Variants in HGF observed in about 807,000 individuals in gnomAD.
The protein encoded by HGF is fibroblast-derived tumor cytotoxic factor.
Under a neutral mutation model 111.6 loss-of-function variants are expected in HGF, and 39 were observed. That is an observed-to-expected ratio of 0.35 (90% CI 0.27 to 0.46). HGF has a LOEUF of 0.46. Among genes scored for constraint, HGF ranks in the 20% least tolerant of loss-of-function variants. The pLI, the probability that HGF is intolerant of heterozygous loss-of-function variation, is 1.00. For missense variants in HGF, 735 were observed against 910.5 expected, an observed-to-expected ratio of 0.81 and a Z score of 2.48; for synonymous variants, 285 against 294.8, an observed-to-expected ratio of 0.97 and a Z score of 0.34.
Position 81,720,777 on chromosome 7 carries a change from T to A in HGF, c.1239A>T (p.Ser413=). The A allele has an allele frequency of 6.2e-7, 1 of 1,612,916 alleles. No homozygotes were observed. The highest frequency in any genetic ancestry group is 8.5e-7 in the Non-Finnish European group (1 of 1,178,926). ...AGTCTTCCATGTTCTTGTCCCACAT[T>A]GAACATGTTAGTCCAGATCTTGTTT... is the stretch of plus-strand genomic sequence containing the variant. ...LSQTRSGLTC[S]MWDKNMEDLH... Residue 413 remains serine (S), a synonymous_variant, in exon 10 of 18, where the codon TCA becomes TCT. Transcript: ENST00000222390.
chr7:81,704,685 A>C (rs1472668317), intron 17 of HGF, among the ~76,000 whole-genome samples: 1 of 151,772 alleles, frequency 6.6e-6, no homozygotes, highest in Non-Finnish European at 1.5e-5. Flanking sequence ...TTTCACTATC[A>C]TTGAACTCAT....
Position 81,744,973 on chromosome 7 carries a change from T to C in HGF, c.746+27A>G, listed in dbSNP as rs191555502. 241 of 1,610,888 alleles carry C rather than the reference T, an allele frequency of 1.5e-4. 1 individual carries two copies. The African/African-American group carries it at 2.7e-3, about 18-fold the overall frequency. ...GAATAATAGTTTGTAAAAGAATCAC[T>C]GAAAGCATGATTCATTAATATTTTA... On this transcript the variant is annotated intron_variant, in intron 6 of 17. Transcript: ENST00000222390.
At position 81,750,997 on chromosome 7, in the gene HGF, A is replaced by G. The variant is rs1788471452; in HGVS notation, c.625+1123T>C. ...ATGGAATGGAAAGTAAGAATTTACA[A>G]ACAGAGATGGAACTGGCTGTAGCAC... On this transcript the variant is annotated intron_variant, in intron 5 of 17. Transcript: ENST00000222390. 5 of 977,176 alleles carry G rather than the reference A, an allele frequency of 5.1e-6. No individual in the cohort carries two copies. The South Asian group carries it at 2.4e-4, about 46-fold the overall frequency. The allele number at this position is 977,176 out of a possible 1,614,324, so 60.5% of individuals were successfully genotyped here.
At chr7:81,710,288 A>G (rs368474929) in intron 12 of HGF, 45 bp from the exon 13 acceptor site, 8 of 1,233,156 alleles carry the variant, frequency 6.5e-6, no homozygotes, top group African/African-American at 1.5e-5. Context: ...AAGAATTTGA[A>G]ATAATCAGTG....
intron 9 of HGF, among the ~76,000 whole-genome samples, chr7:81,723,787 C>A (rs199975936): frequency 6.7e-6 from 1 of 150,218 alleles, no homozygotes; most frequent in African/African-American, 2.4e-5. Flanking sequence ...AGAGTAACAT[C>A]TTTCATATAT....
chr7:81,763,880 A>G (rs1209884439), intron 1 of HGF, among the ~76,000 whole-genome samples: 2 of 152,190 alleles, frequency 1.3e-5, no homozygotes, highest in Non-Finnish European at 2.9e-5. Flanking sequence ...ATAGAAAAAA[A>G]TTAATTGACC....
chr7:81,703,428 G>A lies in HGF; in HGVS notation c.2011-671C>T, dbSNP rs145592590. On this transcript the variant is annotated intron_variant, in intron 17 of 17. Transcript: ENST00000222390. ...TTTTATACCCTCCTTTCTGTAGCGT[G>A]TCCTGTGATTTCATGGCATTTCTTA... is the stretch of plus-strand genomic sequence containing the variant. Among the ~76,000 whole-genome samples the A allele has an allele frequency of 4.1e-3, 619 of 150,922 alleles. 5 individuals are homozygous for A. The highest frequency in any genetic ancestry group is 7.0e-3 in the Middle Eastern group (2 of 286).
At chr7:81,743,080 A>G (rs1788075112) in intron 7 of HGF, 1 of 856,296 alleles carries the variant, frequency 1.2e-6, no homozygotes, top group African/African-American at 1.7e-5. Flanking sequence ...GGTTTTTTAA[A>G]TTTTCTTGAT....
intron 9 of HGF, 131 bp downstream of exon 9, chr7:81,725,759 T>C (rs1789988682): frequency 9.7e-7 from 1 of 1,025,706 alleles, no homozygotes; most frequent in Non-Finnish European, 1.5e-6. Context: ...AGCTTCAAAC[T>C]TGGTGATTTT....
chr7:81,731,649 T>C (rs1417618735), intron 7 of HGF, among the ~76,000 whole-genome samples: 1 of 152,206 alleles, frequency 6.6e-6, no homozygotes, highest in African/African-American at 2.4e-5. Context: ...TAAGTTACTC[T>C]ATTTCTGACT....
rs5745704 is a variant in HGF at position 81,725,659 on chromosome 7, G to T, written c.1168+231C>A. 0.013 allele frequency among the ~76,000 whole-genome samples: 1,983 copies of T among 152,140 alleles called. 17 individuals carry two copies. Among genetic ancestry groups the T allele is most frequent in the Non-Finnish European group, 0.021 (1,418 of 67,998 alleles). On this transcript the variant is annotated intron_variant, in intron 9 of 17. Coordinates refer to ENST00000222390, the MANE Select transcript of HGF (RefSeq NM_000601.6). The stretch of plus-strand genomic sequence containing the variant: ...TCAGATAGCTTAGTTTTGTTTACTG[G>T]TATATCTCCAAGGCTTAGAACTGTG...
intron 13 of HGF, among the ~76,000 whole-genome samples, chr7:81,709,115 C>G (rs1031765596): frequency 6.6e-6 from 1 of 152,068 alleles, no homozygotes; most frequent in Admixed American, 6.6e-5. Flanking sequence ...ATAATAGTAA[C>G]AGACATTCTT....
intron 4 of HGF, among the ~76,000 whole-genome samples, chr7:81,754,666 A>C (rs182031070): frequency 1.3e-5 from 2 of 152,170 alleles, no homozygotes; most frequent in Non-Finnish European, 2.9e-5. Context: ...GTTAAAGAGC[A>C]GTCTGGGTCA....
chr7:81,751,602 T>C, intron 5 of HGF: 1 of 995,474 alleles, frequency 1.0e-6, no homozygotes, highest in African/African-American at 1.7e-5. Flanking sequence ...CATTTGATTC[T>C]AGGCACATTT....
Position 81,742,944 on chromosome 7 carries a change from A to G in HGF, c.865+409T>C. 5 of 1,613,306 alleles carry G rather than the reference A, an allele frequency of 3.1e-6. No homozygotes were observed. The South Asian group carries it at 4.4e-5, about 14-fold the overall frequency. ...TCACCATCAGTTGAGAGCCCATGTT[A>G]TGTCTCTGGGGAGGAAAGGTAGGTA... On this transcript the variant is annotated intron_variant, in intron 7 of 17. Coordinates refer to ENST00000222390, the MANE Select transcript of HGF (RefSeq NM_000601.6).
At chr7:81,751,410 C>A (rs1178596422) in intron 5 of HGF, 1 of 985,194 alleles carries the variant, frequency 1.0e-6, no homozygotes, top group Non-Finnish European at 1.2e-6. Flanking sequence ...TCCATCTTGT[C>A]AGCCATTCAG....
rs1463248323 is a variant in HGF at position 81,706,154 on chromosome 7, C to CAT, written c.1757+131_1757+132dup. On this transcript the variant is annotated intron_variant, in intron 15 of 17. Coordinates refer to ENST00000222390, the MANE Select transcript of HGF (RefSeq NM_000601.6). ...AGAGACCCAAACGCACGCATATATACATATATATACAGCATGTAACATATG... is the reference window on the plus strand; with the variant it reads ...AGAGACCCAAACGCACGCATATATACATATATATATACAGCATGTAACATATG... 14 of 792,660 alleles carry CAT rather than the reference C, an allele frequency of 1.8e-5. No homozygotes were observed. In the East Asian group the frequency reaches 2.6e-4, roughly 15 times the overall value. 49.1% of individuals were successfully genotyped at this position (792,660 alleles called of 1,614,324 possible). A position where few individuals can be genotyped will look rare whatever the true frequency, so the allele number is the denominator to read the frequency against.
At chr7:81,730,674 GGTCTCTCTCTCTCTC>G (rs1562885016) in intron 7 of HGF, among the ~76,000 whole-genome samples, 1 of 151,842 alleles carries the variant, frequency 6.6e-6, no homozygotes, top group Non-Finnish European at 1.5e-5. Context: ...ACCACAATTT[GGTCTCTCTCTCTCTC>G]TGTAATGTTT....
At chr7:81,737,690 G>A (rs944227007) in intron 7 of HGF, among the ~76,000 whole-genome samples, 7 of 152,040 alleles carry the variant, frequency 4.6e-5, no homozygotes, top group African/African-American at 1.7e-4. Context: ...AATGCCACTG[G>A]TTTTACTATT....
Sources: gnomAD v4.1 joint callset for allele counts (sites outside exome capture counted in the v4.1 genomes callset) on GRCh38, gnomAD v4.1.1 for gene constraint, MANE v1.5 for transcripts, NCBI Gene and HGNC (gene_info 2026-07-23, HGNC 2026-07-21) for gene names.